The following TBXAS1 variants were observed in gnomAD, a reference collection of about 807,000 sequenced individuals.
TBXAS1 encodes the protein thromboxane A synthase 1.
A neutral mutation model predicts 60.7 loss-of-function variants in TBXAS1; 48 were observed. The ratio of observed to expected loss-of-function variants is 0.79; its 90% CI spans 0.63 to 1.01. The LOEUF is 1.01. TBXAS1 is among the 50% of genes least tolerant of loss of function. The pLI is 0.00. For synonymous variants in TBXAS1, 287 were observed against 269.7 expected, an observed-to-expected ratio of 1.06 and a Z score of -0.63; for missense variants, 685 against 686.3, an observed-to-expected ratio of 1.00 and a Z score of 0.02.
intron 3 of TBXAS1, among the ~76,000 whole-genome samples, chr7:139,876,642 G>T (rs1484324577): frequency 1.3e-5 from 2 of 151,874 alleles, no homozygotes; most frequent in Admixed American, 1.3e-4. Context: ...TATGGAAATG[G>T]CCCCTCCTAG....
intron 4 of TBXAS1, among the ~76,000 whole-genome samples, chr7:139,915,397 C>T (rs1024461794): frequency 2.0e-5 from 3 of 152,188 alleles, no homozygotes; most frequent in Non-Finnish European, 4.4e-5. Context: ...TACATTCACT[C>T]GGTAAACATT....
chr7:140,005,278 A>G (rs35018753), intron 9 of TBXAS1, among the ~76,000 whole-genome samples: 8,539 of 152,184 alleles, frequency 0.056, 326 homozygotes, highest in African/African-American at 0.11. Flanking sequence ...AAAATACAAA[A>G]GTTAGCCAGG....
Position 139,957,663 on chromosome 7 carries a change from G to T in TBXAS1, c.718G>T (p.Ala240Ser). 1 of 1,613,990 alleles carries T rather than the reference G, an allele frequency of 6.2e-7. No individual in the cohort carries two copies. The highest frequency in any genetic ancestry group is 1.1e-5 in the South Asian group (1 of 91,064). ...ATTTCCATCCATAATGGTCCCACTGGCCCGGATTTTGCCCAATAAGAACCG... is the reference window on the plus strand; with the variant it reads ...ATTTCCATCCATAATGGTCCCACTGTCCCGGATTTTGCCCAATAAGAACCG... Reference protein sequence around the residue: ...LSFPSIMVPLARILPNKNRDE... With the variant: ...LSFPSIMVPLSRILPNKNRDE... Residue 240 changes from alanine (A) to serine (S), a missense_variant, in exon 8 of 13, where the codon GCC (alanine) becomes TCC (serine). Transcript: ENST00000448866.
intron 1 of TBXAS1, among the ~76,000 whole-genome samples, chr7:139,831,177 G>A (rs1258308731): frequency 6.6e-6 from 1 of 152,296 alleles, no homozygotes; most frequent in Non-Finnish European, 1.5e-5. Context: ...TGGAGAAGGT[G>A]CCCAAGGCAG....
At chr7:139,899,353 G>A (rs943932873) in intron 3 of TBXAS1, among the ~76,000 whole-genome samples, 9 of 152,256 alleles carry the variant, frequency 5.9e-5, no homozygotes, top group Middle Eastern at 3.4e-3. Flanking sequence ...ACCCCTAACA[G>A]GGGCAGGCCT....
rs1483791275 is a variant in TBXAS1 at position 139,916,811 on chromosome 7, A to T, written c.333+5490A>T. ...CAATTCAGGGCTACAGGTGAGTCAG[A>T]CGCCCTTGTGCGGGGGCCACAGGGA... On this transcript the variant is annotated intron_variant, in intron 4 of 12. Coordinates refer to ENST00000448866, the MANE Select transcript of TBXAS1 (RefSeq NM_001061.7). This position sits in a 1 kb window ranked among gnomAD's most constrained non-coding sequence, Gnocchi z 4.2. Among the ~76,000 whole-genome samples, 1 of 152,226 alleles carries T rather than the reference A, an allele frequency of 6.6e-6. No homozygotes were observed. The highest frequency in any genetic ancestry group is 1.5e-5 in the Non-Finnish European group (1 of 68,036).
intron 1 of TBXAS1, among the ~76,000 whole-genome samples, chr7:139,849,408 A>C (rs1300301276): frequency 1.3e-5 from 2 of 152,056 alleles, no homozygotes; most frequent in Admixed American, 6.6e-5. Flanking sequence ...AACAAAAAAA[A>C]AACAACCCAC....
intron 3 of TBXAS1, among the ~76,000 whole-genome samples, chr7:139,882,068 C>T (rs1318002302): frequency 1.3e-5 from 2 of 152,192 alleles, no homozygotes; most frequent in Non-Finnish European, 2.9e-5. Flanking sequence ...AAGGTGTGAA[C>T]ACTTTTCGTG....
At chr7:139,830,152 G>A (rs1224474149) in intron 1 of TBXAS1, among the ~76,000 whole-genome samples, 1 of 152,124 alleles carries the variant, frequency 6.6e-6, no homozygotes, top group African/African-American at 2.4e-5. Context: ...TCTGTAGGTC[G>A]AAGGCCTCAT....
chr7:139,957,731 G>T lies in TBXAS1; in HGVS notation c.786G>T (p.Val262=). 1 of 1,614,080 alleles carries T rather than the reference G, an allele frequency of 6.2e-7. No individual in the cohort carries two copies. The highest frequency in any genetic ancestry group is 8.5e-7 in the Non-Finnish European group (1 of 1,180,026). The change falls in exon 8 of 13, where the codon GTG becomes GTT. Residue 262 remains valine (V), a synonymous_variant. Coordinates refer to ENST00000448866, the MANE Select transcript of TBXAS1 (RefSeq NM_001061.7). ...TTTTTAACAAACTCATTAGGAATGT[G>T]ATTGCCTTGCGGGACCAGCAAGCTG... ...NGFFNKLIRN[V]IALRDQQAAE...
At position 139,940,710 on chromosome 7, in the gene TBXAS1, T is replaced by C. The variant is rs183452773; in HGVS notation, c.450+4403T>C. The stretch of plus-strand genomic sequence containing the variant: ...TACCTGTTTATTGTATGTCCCCTTC[T>C]GCTAGATGGATGCTTCAGGAGGACA... On this transcript the variant is annotated intron_variant, in intron 5 of 12. Transcript: ENST00000448866. 3.4e-3 allele frequency among the ~76,000 whole-genome samples: 524 copies of C among 152,334 alleles called. 1 individual carries two copies. Among genetic ancestry groups the C allele is most frequent in the Non-Finnish European group, 4.0e-3 (274 of 68,026 alleles).
intron 2 of TBXAS1, among the ~76,000 whole-genome samples, chr7:139,873,404 G>A (rs1158272271): frequency 6.6e-6 from 1 of 152,226 alleles, no homozygotes; most frequent in African/African-American, 2.4e-5. Context: ...TAGAGCTGTA[G>A]AACCCAACTG....
intron 4 of TBXAS1, among the ~76,000 whole-genome samples, chr7:139,794,400 A>G (rs1316142558): frequency 6.6e-6 from 1 of 152,156 alleles, no homozygotes; most frequent in African/African-American, 2.4e-5. Flanking sequence ...ACACCCAGCC[A>G]ACACTTTCTA....
intron 9 of TBXAS1, among the ~76,000 whole-genome samples, chr7:139,974,743 G>A (rs1476490789): frequency 1.3e-5 from 2 of 152,158 alleles, no homozygotes; most frequent in East Asian, 3.8e-4. Context: ...TTCCTTATCT[G>A]TAAAAGAAAA....
chr7:139,984,741 G>A (rs1366839879), intron 9 of TBXAS1, among the ~76,000 whole-genome samples: 1 of 75,288 alleles, frequency 1.3e-5, no homozygotes, highest in Non-Finnish European at 2.7e-5. Context: ...AAAGAAAGAA[G>A]AAAAAGAAAA....
chr7:139,911,166 T>C, intron 3 of TBXAS1, 59 bp from the exon 4 acceptor site: 3 of 1,494,784 alleles, frequency 2.0e-6, no homozygotes, highest in Non-Finnish European at 2.8e-6. Flanking sequence ...GTGAACTCTT[T>C]TTTGGAAAGG....
intron 1 of TBXAS1, among the ~76,000 whole-genome samples, chr7:139,863,285 A>G (rs1226309344): frequency 1.3e-5 from 2 of 152,230 alleles, no homozygotes. Flanking sequence ...GACTGCAATG[A>G]CTATGTCTTT....
rs1432016647 is a variant in TBXAS1 at position 139,916,639 on chromosome 7, A to G, written c.333+5318A>G. ...GCAGGATGAGTCACTGTGAAACCAC[A>G]AACTCCTTGGCATTGGTGAAGATGA... On this transcript the variant is annotated intron_variant, in intron 4 of 12. Coordinates refer to ENST00000448866, the MANE Select transcript of TBXAS1 (RefSeq NM_001061.7). This position sits in a 1 kb window ranked among gnomAD's most constrained non-coding sequence, Gnocchi z 4.2. Among the ~76,000 whole-genome samples the G allele has an allele frequency of 6.6e-6, 1 of 152,240 alleles. No homozygotes were observed. The highest frequency in any genetic ancestry group is 6.5e-5 in the Admixed American group (1 of 15,282).
At chr7:139,847,972 C>A (rs971077572) in intron 1 of TBXAS1, among the ~76,000 whole-genome samples, 4 of 152,082 alleles carry the variant, frequency 2.6e-5, no homozygotes, top group Admixed American at 6.6e-5. Flanking sequence ...TAGACATGTG[C>A]CACCATGCCC....
Sources: allele counts gnomAD v4.1 joint callset (sites outside exome capture counted in the v4.1 genomes callset), GRCh38; gene constraint gnomAD v4.1.1; non-coding constraint Gnocchi (gnomAD v3.1); transcripts MANE v1.5; gene names NCBI Gene and HGNC (gene_info 2026-07-23, HGNC 2026-07-21).